Variants in ATRNL1 observed in about 807,000 individuals in gnomAD.
The protein encoded by ATRNL1 is attractin like 1, also known as attractin-like protein 1.
A neutral mutation model predicts 182.7 loss-of-function variants in ATRNL1; 95 were observed. The ratio of observed to expected loss-of-function variants is 0.52; its 90% confidence interval spans 0.44 to 0.62. ATRNL1 has a LOEUF of 0.62. ATRNL1 is among the 20% of genes least tolerant of loss of function. The probability of loss-of-function intolerance (pLI) is 0.00; values close to 1 mark genes in which losing one functional copy is unlikely to be tolerated. For missense variants in ATRNL1, 1,471 were observed against 1,679.5 expected, an observed-to-expected ratio of 0.88 and a Z score of 2.17; for synonymous variants, 576 against 568.3, an observed-to-expected ratio of 1.01 and a Z score of -0.19.
chr10:115,366,214 C>G (rs1554945869), intron 19 of ATRNL1, among the ~76,000 whole-genome samples: 1 of 152,126 alleles, frequency 6.6e-6, no homozygotes, highest in Non-Finnish European at 1.5e-5. Context: ...GTATTGGGTG[C>G]ATATATATTT....
At chr10:115,558,080 A>G (rs1554997753) in intron 26 of ATRNL1, among the ~76,000 whole-genome samples, 1 of 146,778 alleles carries the variant, frequency 6.8e-6, no homozygotes, top group African/African-American at 2.5e-5. Context: ...AAAAAAAACC[A>G]TTTAAAATAC....
chr10:115,145,163 A>G (rs1845919070), intron 5 of ATRNL1, among the ~76,000 whole-genome samples: 1 of 152,192 alleles, frequency 6.6e-6, no homozygotes, highest in East Asian at 1.9e-4. Context: ...CTAAGCATAC[A>G]TATTTTGATA....
At chr10:115,464,002 A>C (rs1554970350) in intron 22 of ATRNL1, among the ~76,000 whole-genome samples, 1 of 152,048 alleles carries the variant, frequency 6.6e-6, no homozygotes, top group Admixed American at 6.6e-5. Flanking sequence ...ATTAGCCACA[A>C]TTCTAGTTTG....
intron 8 of ATRNL1, 90 bp downstream of exon 8, chr10:115,171,382 A>C: frequency 8.5e-7 from 1 of 1,175,334 alleles, no homozygotes; most frequent in Admixed American, 2.6e-5. Flanking sequence ...CAAAATGGTG[A>C]GTTATTTGAG....
chr10:115,770,792 G>T (rs1948969906), intron 27 of ATRNL1, among the ~76,000 whole-genome samples: 1 of 152,064 alleles, frequency 6.6e-6, no homozygotes, highest in Non-Finnish European at 1.5e-5. Context: ...CCAGTAAAAA[G>T]ACTTTGTAAT....
chr10:115,312,449 C>T (rs1196661826), intron 17 of ATRNL1, among the ~76,000 whole-genome samples: 3 of 152,128 alleles, frequency 2.0e-5, no homozygotes, highest in African/African-American at 7.2e-5. Context: ...CCCTTCTGGC[C>T]TGTAAGGTTT....
At chr10:115,758,768 A>C (rs1948658036) in intron 27 of ATRNL1, among the ~76,000 whole-genome samples, 1 of 152,252 alleles carries the variant, frequency 6.6e-6, no homozygotes, top group Non-Finnish European at 1.5e-5. Context: ...AGGGAGCTGC[A>C]GTGGGCTCCG....
At chr10:115,264,894 T>C (rs1038656897) in intron 10 of ATRNL1, among the ~76,000 whole-genome samples, 4 of 151,662 alleles carry the variant, frequency 2.6e-5, no homozygotes, top group East Asian at 1.9e-4. Context: ...TTAATAAATA[T>C]ATGTCTTCGA....
At chr10:115,724,536 A>G (rs1555059225) in intron 26 of ATRNL1, among the ~76,000 whole-genome samples, 2 of 152,176 alleles carry the variant, frequency 1.3e-5, no homozygotes, top group Admixed American at 1.3e-4. Flanking sequence ...CAACCTTATG[A>G]CTTAAAGATA....
chr10:115,262,490 A>T (rs1284507370), intron 10 of ATRNL1, among the ~76,000 whole-genome samples: 1 of 152,054 alleles, frequency 6.6e-6, no homozygotes, highest in African/African-American at 2.4e-5. Flanking sequence ...AAAATTAGAG[A>T]TTATTTTTAA....
intron 20 of ATRNL1, among the ~76,000 whole-genome samples, chr10:115,416,029 G>A (rs1009268157): frequency 6.6e-6 from 1 of 151,830 alleles, no homozygotes; most frequent in African/African-American, 2.4e-5. Context: ...AATTATTCTT[G>A]TATGTTTACT....
intron 21 of ATRNL1, among the ~76,000 whole-genome samples, chr10:115,430,583 A>G (rs1210213453): frequency 6.6e-6 from 1 of 152,072 alleles, no homozygotes; most frequent in Admixed American, 6.5e-5. Context: ...GGGGTTTGGT[A>G]TACAGATTAT....
chr10:115,445,890 AT>A (rs1364343004), intron 21 of ATRNL1, among the ~76,000 whole-genome samples: 1 of 41,642 alleles, frequency 2.4e-5, no homozygotes, highest in Non-Finnish European at 5.0e-5. Flanking sequence ...TTAGCACAGT[AT>A]TTTTGAAGTT....
At chr10:115,348,288 T>C (rs1196152216) in intron 19 of ATRNL1, among the ~76,000 whole-genome samples, 2 of 152,130 alleles carry the variant, frequency 1.3e-5, no homozygotes, top group African/African-American at 4.8e-5. Flanking sequence ...AACTTTTTAG[T>C]GTCTTAGTTT....
intron 26 of ATRNL1, among the ~76,000 whole-genome samples, chr10:115,699,776 T>C (rs1378183798): frequency 1.3e-5 from 2 of 152,178 alleles, no homozygotes; most frequent in East Asian, 1.9e-4. Context: ...TGGGATACCA[T>C]TGACCCCGTC....
chr10:115,877,494 G>A (rs1951726942), intron 28 of ATRNL1, among the ~76,000 whole-genome samples: 1 of 152,126 alleles, frequency 6.6e-6, no homozygotes, highest in African/African-American at 2.4e-5. Flanking sequence ...CCCACTCCAG[G>A]GGGTCCCTAC....
intron 28 of ATRNL1, among the ~76,000 whole-genome samples, chr10:115,875,037 G>C (rs1010833399): frequency 6.6e-6 from 1 of 152,192 alleles, no homozygotes; most frequent in Non-Finnish European, 1.5e-5. Context: ...TGAGGGTCTA[G>C]ATTGCAGCAG....
intron 27 of ATRNL1, among the ~76,000 whole-genome samples, chr10:115,750,637 A>G (rs1380121300): frequency 6.6e-6 from 1 of 151,966 alleles, no homozygotes; most frequent in South Asian, 2.1e-4. Context: ...AGAAAAAAAA[A>G]CTTTTTATAC....
chr10:115,439,102 A>G (rs1402040478), intron 21 of ATRNL1, among the ~76,000 whole-genome samples: 1 of 151,970 alleles, frequency 6.6e-6, no homozygotes, highest in Non-Finnish European at 1.5e-5. Context: ...GAAAATAATA[A>G]GGAAGAGAAA....
Sources: allele counts gnomAD v4.1 joint callset (sites outside exome capture counted in the v4.1 genomes callset), GRCh38; gene constraint gnomAD v4.1.1; transcripts MANE v1.5; gene names NCBI Gene and HGNC (gene_info 2026-07-23, HGNC 2026-07-21).